ZBTB7C: variants seen among roughly 807,000 people sequenced by gnomAD.
ZBTB7C encodes the protein zinc finger and BTB domain-containing protein 7C.
In ZBTB7C, 8 loss-of-function variants were observed where a neutral mutation model predicts 25.7. The ratio of observed to expected loss-of-function variants is 0.31; its 90% CI spans 0.18 to 0.56. ZBTB7C has a LOEUF of 0.56. Ranked by LOEUF, ZBTB7C falls within the 20% of genes least tolerant of loss-of-function variation. The pLI, the probability that ZBTB7C is intolerant of heterozygous loss-of-function variation, is 0.91. For synonymous variants in ZBTB7C, 394 were observed against 369.0 expected (o/e 1.07, Z -0.78); for missense variants, 824 against 855.2 (o/e 0.96, Z 0.46).
At chr18:48,054,652 G>A (rs2036841782) in intron 3 of ZBTB7C, among the ~76,000 whole-genome samples, 2 of 152,106 alleles carry the variant, frequency 1.3e-5, no homozygotes, top group Non-Finnish European at 2.9e-5. Flanking sequence ...CTAAGCAAAC[G>A]CCGTCCACCA....
chr18:48,319,143 A>C (rs868280997), intron 2 of ZBTB7C, among the ~76,000 whole-genome samples: 1 of 67,898 alleles, frequency 1.5e-5, no homozygotes, highest in Non-Finnish European at 3.2e-5. Context: ...TGTGTGTGTA[A>C]CCTTGATTTG....
chr18:48,163,376 A>G (rs1173193817), intron 3 of ZBTB7C, among the ~76,000 whole-genome samples: 1 of 152,186 alleles, frequency 6.6e-6, no homozygotes, highest in Non-Finnish European at 1.5e-5. Flanking sequence ...CTTGAAAGCA[A>G]CATTTGCTCT....
intron 2 of ZBTB7C, among the ~76,000 whole-genome samples, chr18:48,260,742 C>A (rs1218258317): frequency 6.6e-6 from 1 of 152,150 alleles, no homozygotes; most frequent in Non-Finnish European, 1.5e-5. Flanking sequence ...CACAAGACAC[C>A]AGTGAAGGCC....
At chr18:48,060,127 C>G (rs932216833) in intron 3 of ZBTB7C, among the ~76,000 whole-genome samples, 6 of 152,096 alleles carry the variant, frequency 3.9e-5, no homozygotes, top group Non-Finnish European at 8.8e-5. Context: ...CTCTCCCACA[C>G]GACCCATTTT....
At chr18:48,201,250 T>C (rs1204446054) in intron 2 of ZBTB7C, among the ~76,000 whole-genome samples, 4 of 152,188 alleles carry the variant, frequency 2.6e-5, no homozygotes, top group African/African-American at 4.8e-5. Context: ...TCACCTACTT[T>C]AGAATTGTTC....
intron 2 of ZBTB7C, among the ~76,000 whole-genome samples, chr18:48,287,996 C>G (rs1400612789): frequency 6.6e-6 from 1 of 152,200 alleles, no homozygotes; most frequent in South Asian, 2.1e-4. Flanking sequence ...ACATCAGGAA[C>G]AGCACAAGGC....
chr18:48,331,382 T>G (rs2046339314), intron 2 of ZBTB7C, among the ~76,000 whole-genome samples: 1 of 152,190 alleles, frequency 6.6e-6, no homozygotes, highest in South Asian at 2.1e-4. Context: ...ATTTTACAGA[T>G]AGAAAAACTG....
chr18:48,034,196 C>G (rs1237872965), intron 4 of ZBTB7C, among the ~76,000 whole-genome samples: 1 of 152,174 alleles, frequency 6.6e-6, no homozygotes, highest in Non-Finnish European at 1.5e-5. Flanking sequence ...GGCCTGTGTG[C>G]TCACTTACCC....
At chr18:48,099,965 A>G (rs1184500919) in intron 3 of ZBTB7C, among the ~76,000 whole-genome samples, 5 of 152,194 alleles carry the variant, frequency 3.3e-5, no homozygotes, top group Non-Finnish European at 5.9e-5. Flanking sequence ...CAGCCTTAAC[A>G]GCGACCTCCT....
chr18:48,266,771 CT>C (rs2044325990), intron 2 of ZBTB7C, among the ~76,000 whole-genome samples: 1 of 151,852 alleles, frequency 6.6e-6, no homozygotes, highest in Non-Finnish European at 1.5e-5. Context: ...AGTTACTTTC[CT>C]TTTATTTCTG....
intron 2 of ZBTB7C, among the ~76,000 whole-genome samples, chr18:48,227,291 CAT>C (rs2043128898): frequency 6.6e-6 from 1 of 152,204 alleles, no homozygotes; most frequent in Non-Finnish European, 1.5e-5. Context: ...AGCTGATTCA[CAT>C]GTGTACGGCC....
At chr18:48,125,195 G>A (rs977097182) in intron 3 of ZBTB7C, among the ~76,000 whole-genome samples, 15 of 152,210 alleles carry the variant, frequency 9.9e-5, no homozygotes, top group Non-Finnish European at 1.5e-4. Context: ...AACAACCTGG[G>A]ACTCAGAAGT....
intron 3 of ZBTB7C, among the ~76,000 whole-genome samples, chr18:48,049,195 C>G (rs76827979): frequency 0.079 from 12,066 of 152,268 alleles, 542 homozygotes; most frequent in Non-Finnish European, 0.094. Context: ...TAGGTGCAAG[C>G]CTGCCTGGCT....
intron 2 of ZBTB7C, among the ~76,000 whole-genome samples, chr18:48,241,035 G>T (rs1254570966): frequency 1.3e-5 from 2 of 151,908 alleles, no homozygotes; most frequent in Admixed American, 1.3e-4. Context: ...CACCAAAAAT[G>T]AGCAGGAGTA....
intron 2 of ZBTB7C, among the ~76,000 whole-genome samples, chr18:48,326,443 C>T (rs921426051): frequency 1.9e-4 from 29 of 152,158 alleles, no homozygotes; most frequent in African/African-American, 6.8e-4. Context: ...ATTAAACACA[C>T]ACACACACAT....
chr18:48,136,946 G>T (rs1252519380), intron 3 of ZBTB7C: 9 of 968,882 alleles, frequency 9.3e-6, no homozygotes, highest in South Asian at 4.8e-5. Flanking sequence ...CGGCCCGGCC[G>T]CTGGGCTCCC....
At chr18:48,249,422 G>A (rs80012124) in intron 2 of ZBTB7C, among the ~76,000 whole-genome samples, 7,302 of 152,216 alleles carry the variant, frequency 0.048, 286 homozygotes, top group East Asian at 0.18. Flanking sequence ...GGAATATTAC[G>A]TGGCCATTAA....
At chr18:48,390,491 G>C (rs374445140) in intron 1 of ZBTB7C, among the ~76,000 whole-genome samples, 2 of 152,294 alleles carry the variant, frequency 1.3e-5, no homozygotes, top group South Asian at 2.1e-4. Flanking sequence ...AAAATGCAAA[G>C]CAAAAGCGCC....
At chr18:48,092,247 C>T (rs2038446402) in intron 3 of ZBTB7C, among the ~76,000 whole-genome samples, 1 of 152,212 alleles carries the variant, frequency 6.6e-6, no homozygotes, top group Non-Finnish European at 1.5e-5. Flanking sequence ...ATGTAATGAA[C>T]TTAACACGTT....
Sources: gnomAD v4.1 joint callset for allele counts (sites outside exome capture counted in the v4.1 genomes callset) on GRCh38, gnomAD v4.1.1 for gene constraint, MANE v1.5 for transcripts, NCBI Gene and HGNC (gene_info 2026-07-23, HGNC 2026-07-21) for gene names.